The following USH2A variants were observed in gnomAD, a reference collection of about 807,000 sequenced individuals.
USH2A encodes the protein usherin, also known as Usher syndrome 2A (autosomal recessive, mild).
USH2A carries 443 observed loss-of-function variants against 538.9 expected under a neutral mutation model. The ratio of observed to expected loss-of-function variants is 0.82; its 90% confidence interval spans 0.76 to 0.89. The LOEUF (loss-of-function observed/expected upper bound fraction) is 0.89, where lower values mean the gene tolerates loss of function less well. Ranked by LOEUF, USH2A falls within the 40% of genes least tolerant of loss-of-function variation. The pLI, the probability that USH2A is intolerant of heterozygous loss-of-function variation, is 0.00. For missense variants in USH2A, 6,633 were observed against 6,324.8 expected (o/e 1.05, Z -1.65); for synonymous variants, 2,413 against 2,273.5 (o/e 1.06, Z -1.75).
intron 61 of USH2A, among the ~76,000 whole-genome samples, chr1:215,683,636 C>T (rs1409459063): frequency 1.3e-5 from 2 of 152,162 alleles, no homozygotes; most frequent in African/African-American, 2.4e-5. Context: ...TTCTGTCTTA[C>T]TAACTAGGAA....
chr1:216,097,130 C>A lies in USH2A; in HGVS notation c.4711G>T (p.Ala1571Ser). 1 of 1,614,112 alleles carries A rather than the reference C, an allele frequency of 6.2e-7. No individual in the cohort carries two copies. The highest frequency in any genetic ancestry group is 8.5e-7 in the Non-Finnish European group (1 of 1,180,006). The part of the protein sequence containing the change: ...ASPGNQEEYF[A>S]LQLKKGRLYF... The stretch of plus-strand genomic sequence containing the variant: ...AGACGTCCCTTCTTCAACTGAAGTG[C>A]AAAATACTCTTCCTGATTGCCAGGT... The change falls in exon 22 of 72, where the codon GCA (alanine) becomes TCA (serine). Residue 1571 changes from alanine (A) to serine (S), a missense_variant. Ala to Ser is a moderately conservative substitution (Grantham distance 99, BLOSUM62 1). Coordinates refer to ENST00000307340, the MANE Select transcript of USH2A (RefSeq NM_206933.4).
In USH2A at chr1:216,089,072, T is replaced by C; in HGVS notation, c.4826A>G (p.Glu1609Gly). ...GKQYSDGKWH[E>G]IIAIRHQAFG... ...AGCCTGATGCCTAATAGCAATTATT[T>C]CATGCCATTTTCCATCACTATATTG... Residue 1609 changes from glutamate to glycine, a missense_variant, in exon 23 of 72, where the codon GAA becomes GGA. Coordinates refer to ENST00000307340, the MANE Select transcript of USH2A (RefSeq NM_206933.4). The C allele has an allele frequency of 6.2e-7, 1 of 1,613,588 alleles. No homozygotes were observed. Among genetic ancestry groups the C allele is most frequent in the Non-Finnish European group, 8.5e-7 (1 of 1,179,628 alleles).
At chr1:215,862,529 G>C (rs1054164549) in intron 44 of USH2A, among the ~76,000 whole-genome samples, 2 of 152,086 alleles carry the variant, frequency 1.3e-5, no homozygotes, top group Non-Finnish European at 2.9e-5. Flanking sequence ...AAACCTGCAC[G>C]TTGTGCAGAT....
rs1246009294 is a variant in USH2A at position 215,799,056 on chromosome 1, CTGCCACAGCAGGAATCACCAA to C, written c.9788_9808del (p.Ile3263_Gly3269del). 5 of 1,613,974 alleles carry C rather than the reference CTGCCACAGCAGGAATCACCAA, an allele frequency of 3.1e-6. No homozygotes were observed. Among genetic ancestry groups the C allele is most frequent in the Admixed American group, 1.7e-5 (1 of 59,964 alleles). On this transcript the variant is annotated inframe_deletion, in exon 50 of 72. Transcript: ENST00000307340. ...GTTTCCTGAGGTGGAGTACGGCATT[CTGCCACAGCAGGAATCACCAA>C]TGCCAACAGAAACCCGATTGTGCTG...
chr1:216,312,044 TTC>T lies in USH2A; in HGVS notation c.1644+9837_1644+9838del, dbSNP rs1160813448. 7.9e-5 allele frequency among the ~76,000 whole-genome samples: 12 copies of T among 152,286 alleles called. No homozygotes were observed. The East Asian group carries it at 2.3e-3, about 29-fold the overall frequency. ...TGAGTTTTCTGACCTGTATCATTTT[TTC>T]TCTCTCTCTGAAGTTCTTCCTTTAA... On this transcript the variant is annotated intron_variant, in intron 9 of 71. Coordinates refer to ENST00000307340, the MANE Select transcript of USH2A (RefSeq NM_206933.4).
intron 11 of USH2A, among the ~76,000 whole-genome samples, chr1:216,265,920 G>A (rs913648579): frequency 6.6e-6 from 1 of 152,002 alleles, no homozygotes; most frequent in Non-Finnish European, 1.5e-5. Context: ...AAGGGGATAG[G>A]GAGAGGCTGG....
intron 21 of USH2A, among the ~76,000 whole-genome samples, chr1:216,125,251 AT>A (rs2033226124): frequency 6.6e-6 from 1 of 151,734 alleles, no homozygotes; most frequent in South Asian, 2.1e-4. Flanking sequence ...AAAAAAAAAA[AT>A]CCTCATAGAA....
intron 61 of USH2A, among the ~76,000 whole-genome samples, chr1:215,725,992 C>T (rs1659805251): frequency 6.6e-6 from 1 of 152,146 alleles, no homozygotes; most frequent in Non-Finnish European, 1.5e-5. Flanking sequence ...TCCAATAGAA[C>T]TGTTTCGTGA....
rs184558126 is a variant in USH2A at position 215,670,113 on chromosome 1, G to A, written c.14133+859C>T. ...GAAGAACCATGCTTGGAAATAGCAG[G>A]GAAAAGAAAAACTTTTAGATTGAGG... On this transcript the variant is annotated intron_variant, in intron 64 of 71. Coordinates refer to ENST00000307340, the MANE Select transcript of USH2A (RefSeq NM_206933.4). 2.6e-5 allele frequency among the ~76,000 whole-genome samples: 4 copies of A among 152,272 alleles called. No individual in the cohort carries two copies. In the East Asian group the frequency reaches 7.7e-4, roughly 29 times the overall value.
intron 11 of USH2A, among the ~76,000 whole-genome samples, chr1:216,277,415 C>T (rs2036691413): frequency 6.6e-6 from 1 of 152,074 alleles, no homozygotes; most frequent in South Asian, 2.1e-4. Context: ...GGTGCATCTA[C>T]CAATATTACA....
intron 32 of USH2A, among the ~76,000 whole-genome samples, chr1:216,014,226 GT>G (rs1668649841): frequency 6.6e-6 from 1 of 152,130 alleles, no homozygotes. Context: ...GAGGCATCAG[GT>G]TGGGCGTGGG....
chr1:215,823,329 G>GT (rs758895698), intron 47 of USH2A, among the ~76,000 whole-genome samples: 2 of 151,900 alleles, frequency 1.3e-5, no homozygotes, highest in South Asian at 4.1e-4. Context: ...TATGGCATTT[G>GT]TTTTTTTATT....
At chr1:215,849,346 A>G (rs1663956989) in intron 44 of USH2A, among the ~76,000 whole-genome samples, 1 of 152,198 alleles carries the variant, frequency 6.6e-6, no homozygotes, top group Non-Finnish European at 1.5e-5. Flanking sequence ...AAAGACAGAG[A>G]TGTAAAGGGG....
At chr1:215,991,085 G>T (rs1463200228) in intron 35 of USH2A, among the ~76,000 whole-genome samples, 2 of 152,054 alleles carry the variant, frequency 1.3e-5, no homozygotes, top group African/African-American at 4.8e-5. Flanking sequence ...TTCTAATCAA[G>T]GAAATTGGGG....
At chr1:216,387,933 T>C (rs2039033704) in intron 3 of USH2A, among the ~76,000 whole-genome samples, 1 of 152,152 alleles carries the variant, frequency 6.6e-6, no homozygotes, top group Non-Finnish European at 1.5e-5. Flanking sequence ...TTGAATAGCG[T>C]CAGGCTCTCC....
chr1:215,934,516 C>T (rs1571826523), intron 38 of USH2A, 100 bp downstream of exon 38: 1 of 1,287,816 alleles, frequency 7.8e-7, no homozygotes, highest in Non-Finnish European at 1.1e-6. Context: ...CCTCTAAGTT[C>T]TAAAATAAAA....
intron 38 of USH2A, among the ~76,000 whole-genome samples, chr1:215,918,783 A>G (rs1666025221): frequency 2.6e-5 from 4 of 152,136 alleles, no homozygotes; most frequent in Admixed American, 2.6e-4. Flanking sequence ...TATTCATTTT[A>G]CCACAGCAAT....
chr1:215,693,114 G>GTATATA (rs1402851016), intron 61 of USH2A, among the ~76,000 whole-genome samples: 1 of 71,818 alleles, frequency 1.4e-5, no homozygotes, highest in African/African-American at 3.7e-5. Flanking sequence ...GTGTGTGTAT[G>GTATATA]TGTATATATA....
rs543575402 is a variant in USH2A at position 216,175,691 on chromosome 1, A to G, written c.4397-209T>C. On this transcript the variant is annotated intron_variant, in intron 20 of 71. Coordinates refer to ENST00000307340, the MANE Select transcript of USH2A (RefSeq NM_206933.4). ...GAAACAAAATTTAAATGGCCAATAT[A>G]CTACACACAAAACTTTCAAATTAAA... is the stretch of plus-strand genomic sequence containing the variant. 3.3e-5 allele frequency among the ~76,000 whole-genome samples: 5 copies of G among 152,308 alleles called. No individual in the cohort carries two copies. The East Asian group carries it at 7.7e-4, about 24-fold the overall frequency.
Sources: gnomAD v4.1 joint callset for allele counts (sites outside exome capture counted in the v4.1 genomes callset) on GRCh38, gnomAD v4.1.1 for gene constraint, MANE v1.5 for transcripts, NCBI Gene and HGNC (gene_info 2026-07-23, HGNC 2026-07-21) for gene names.